UNC5C: variants seen among roughly 807,000 people sequenced by gnomAD.
UNC5C encodes netrin receptor UNC5C.
Under a neutral mutation model 99.8 loss-of-function variants are expected in UNC5C, and 47 were observed. That is an observed-to-expected ratio of 0.47 (90% CI 0.37 to 0.60). The LOEUF is 0.60. Among genes scored for constraint, UNC5C ranks in the 20% least tolerant of loss-of-function variants. UNC5C has a pLI of 0.00. For synonymous variants in UNC5C, 487 were observed against 452.2 expected (o/e 1.08, Z -0.98); for missense variants, 1,062 against 1,165.9 (o/e 0.91, Z 1.30).
chr4:95,243,482 G>A (rs1206455764), intron 6 of UNC5C, among the ~76,000 whole-genome samples: 1 of 152,050 alleles, frequency 6.6e-6, no homozygotes, highest in Non-Finnish European at 1.5e-5. Flanking sequence ...TGAAATAAGA[G>A]CTTTAAAATA....
chr4:95,216,259 TA>T, intron 9 of UNC5C, 48 bp from the exon 10 acceptor site: 1 of 1,459,886 alleles, frequency 6.8e-7, no homozygotes. Flanking sequence ...TTGCAGCACG[TA>T]AAAGGGAATG....
chr4:95,211,885 T>C (rs905226038), intron 10 of UNC5C, among the ~76,000 whole-genome samples: 1 of 152,180 alleles, frequency 6.6e-6, no homozygotes, highest in Non-Finnish European at 1.5e-5. Flanking sequence ...AGTATGAGGA[T>C]AAGATTTCAA....
At chr4:95,400,695 A>G (rs527831881) in intron 1 of UNC5C, among the ~76,000 whole-genome samples, 15 of 152,216 alleles carry the variant, frequency 9.9e-5, no homozygotes, top group Non-Finnish European at 1.9e-4. Flanking sequence ...CCGGCCCACA[A>G]TGAGATGAAT....
chr4:95,419,964 ATATCT>A (rs1032273471), intron 1 of UNC5C, among the ~76,000 whole-genome samples: 21 of 152,166 alleles, frequency 1.4e-4, no homozygotes, highest in African/African-American at 4.6e-4. Context: ...ATGTTTAAAA[ATATCT>A]TATAACACAA....
chr4:95,294,755 A>G (rs1741612230), intron 3 of UNC5C, among the ~76,000 whole-genome samples: 1 of 152,242 alleles, frequency 6.6e-6, no homozygotes, highest in Non-Finnish European at 1.5e-5. Context: ...TGATGTTTCA[A>G]AATAAACATA....
intron 1 of UNC5C, among the ~76,000 whole-genome samples, chr4:95,387,419 C>T (rs950216044): frequency 8.5e-5 from 13 of 152,272 alleles, no homozygotes; most frequent in East Asian, 7.7e-4. Context: ...GGATTACAGG[C>T]GTGAGCCACC....
chr4:95,465,809 T>A (rs943841147), intron 1 of UNC5C, among the ~76,000 whole-genome samples: 5 of 152,176 alleles, frequency 3.3e-5, no homozygotes, highest in Non-Finnish European at 7.3e-5. Context: ...AGGACTGGTA[T>A]TACAAACAAG....
chr4:95,446,599 C>T (rs1298574066), intron 1 of UNC5C, among the ~76,000 whole-genome samples: 1 of 152,134 alleles, frequency 6.6e-6, no homozygotes, highest in Non-Finnish European at 1.5e-5. Context: ...TGACAAGCAT[C>T]TAATGAAAGT....
chr4:95,234,677 A>C (rs1321071416), intron 7 of UNC5C, among the ~76,000 whole-genome samples: 1 of 152,200 alleles, frequency 6.6e-6, no homozygotes, highest in Non-Finnish European at 1.5e-5. Context: ...CTGGTGAAAT[A>C]ACATCAATTT....
chr4:95,292,459 T>C (rs1238092760), intron 3 of UNC5C, among the ~76,000 whole-genome samples: 1 of 151,988 alleles, frequency 6.6e-6, no homozygotes, highest in Non-Finnish European at 1.5e-5. Flanking sequence ...TTCATTCCTT[T>C]ATGATATTTC....
chr4:95,418,511 A>C (rs909150583), intron 1 of UNC5C, among the ~76,000 whole-genome samples: 4 of 152,154 alleles, frequency 2.6e-5, no homozygotes, highest in African/African-American at 9.7e-5. Flanking sequence ...TCATGCTGTG[A>C]TCTAAAATGT....
At chr4:95,402,148 C>T (rs1370265599) in intron 1 of UNC5C, among the ~76,000 whole-genome samples, 2 of 152,160 alleles carry the variant, frequency 1.3e-5, no homozygotes, top group African/African-American at 4.8e-5. Context: ...TCATTTAAAT[C>T]CACTTCTACC....
chr4:95,500,771 G>A (rs896118613), intron 1 of UNC5C, among the ~76,000 whole-genome samples: 2 of 152,064 alleles, frequency 1.3e-5, no homozygotes, highest in Admixed American at 6.6e-5. Flanking sequence ...ATAGTTTTTA[G>A]CATTTTCTCC....
intron 1 of UNC5C, among the ~76,000 whole-genome samples, chr4:95,409,699 G>A (rs1166318233): frequency 6.6e-6 from 1 of 152,042 alleles, no homozygotes; most frequent in African/African-American, 2.4e-5. Flanking sequence ...GGCCCTCATT[G>A]ACCAGGCAAA....
In UNC5C at chr4:95,162,792, A is replaced by G. The variant is rs1282165357; in HGVS notation, c.*6442T>C. 1.3e-5 allele frequency: 2 copies of G among 152,140 alleles called. No homozygotes were observed. Among genetic ancestry groups the G allele is most frequent in the African/African-American group, 4.8e-5 (2 of 41,430 alleles). The allele number at this position is 152,140 out of a possible 1,614,324, so 9.4% of individuals were successfully genotyped here. On this transcript the variant is annotated 3_prime_UTR_variant, in exon 16 of 16. Transcript: ENST00000453304. ...TACAGCAAGAGGGAACTCCACAACA[A>G]CAAAAGTGTTCCATATCGGAAAAGC...
chr4:95,297,664 A>G (rs931710875), intron 3 of UNC5C, among the ~76,000 whole-genome samples: 1 of 152,212 alleles, frequency 6.6e-6, no homozygotes, highest in Non-Finnish European at 1.5e-5. Flanking sequence ...TGAGGCAGGA[A>G]TGGCTTCACT....
rs182147364 is a variant in UNC5C, at chr4:95,497,975, T to G, written c.124+50759A>C. Among the ~76,000 whole-genome samples, 525 of 152,128 alleles carry G rather than the reference T, an allele frequency of 3.5e-3. 2 individuals are homozygous for G. Among genetic ancestry groups the G allele is most frequent in the Non-Finnish European group, 6.0e-3 (408 of 67,964 alleles). On this transcript the variant is annotated intron_variant, in intron 1 of 15. Transcript: ENST00000453304. ...CAGATATATCATAGTCATGGCATAA[T>G]GCACAAGCTGCACAGCTTCCAAATC...
intron 12 of UNC5C, 122 bp from the exon 13 acceptor site, chr4:95,185,318 G>C: frequency 1.6e-6 from 2 of 1,230,312 alleles, no homozygotes; most frequent in South Asian, 3.1e-5. Context: ...GCAACACCTT[G>C]AACACCCACT....
chr4:95,512,623 T>C (rs1328246520), intron 1 of UNC5C, among the ~76,000 whole-genome samples: 3 of 152,194 alleles, frequency 2.0e-5, no homozygotes, highest in Admixed American at 6.6e-5. Context: ...TTGATATCAA[T>C]TTTACATAAC....
Sources: gnomAD v4.1 joint callset for allele counts (sites outside exome capture counted in the v4.1 genomes callset) on GRCh38, gnomAD v4.1.1 for gene constraint, MANE v1.5 for transcripts, NCBI Gene and HGNC (gene_info 2026-07-23, HGNC 2026-07-21) for gene names.